FZD3: variants seen among roughly 807,000 people sequenced by gnomAD.
FZD3 encodes frizzled-3.
A neutral mutation model predicts 60.7 loss-of-function variants in FZD3; 30 were observed. The ratio of observed to expected loss-of-function variants is 0.49; its 90% CI spans 0.37 to 0.67. FZD3 has a LOEUF of 0.67. Ranked by LOEUF, FZD3 falls within the 30% of genes least tolerant of loss-of-function variation. The pLI, the probability that FZD3 is intolerant of heterozygous loss-of-function variation, is 0.00. For synonymous variants in FZD3, 246 were observed against 275.2 expected (o/e 0.89, Z 1.05); for missense variants, 605 against 838.7 (o/e 0.72, Z 3.44).
At chr8:28,538,480 C>T (rs1296552437) in intron 5 of FZD3, among the ~76,000 whole-genome samples, 2 of 152,086 alleles carry the variant, frequency 1.3e-5, no homozygotes, top group Admixed American at 6.6e-5. Flanking sequence ...ACTTGAGTCT[C>T]ATATATTTAT....
Position 28,502,874 on chromosome 8 carries a change from G to A in FZD3, c.-140G>A, listed in dbSNP as rs1438791225. 1.4e-5 allele frequency: 7 copies of A among 510,862 alleles called. No individual in the cohort carries two copies. Among genetic ancestry groups the A allele is most frequent in the Non-Finnish European group, 6.9e-6 (2 of 291,600 alleles). 31.6% of individuals were successfully genotyped at this position (510,862 alleles called of 1,614,324 possible). A position where few individuals can be genotyped will look rare whatever the true frequency, so the allele number is the denominator to read the frequency against. ...CAAGCTAACAAACCTCTGACGGTGC[G>A]AAGAGTATTTAACTGTTTGAAGAAT... On this transcript the variant is annotated 5_prime_UTR_variant, in exon 3 of 8. Coordinates refer to ENST00000240093, the MANE Select transcript of FZD3 (RefSeq NM_017412.4).
rs1313514933 is a variant in FZD3 at position 28,512,855 on chromosome 8, G to A, written c.190-7783G>A. Among the ~76,000 whole-genome samples, 5 of 152,092 alleles carry A rather than the reference G, an allele frequency of 3.3e-5. No homozygotes were observed. In the East Asian group the frequency reaches 9.6e-4, roughly 29 times the overall value. Reference sequence around the variant, plus strand: ...CTGTGGTTTTTATTTTAAGAGAATAGTATAATGTACACCCATATAACAATA... The same window carrying A: ...CTGTGGTTTTTATTTTAAGAGAATAATATAATGTACACCCATATAACAATA... On this transcript the variant is annotated intron_variant, in intron 3 of 7. Coordinates refer to ENST00000240093, the MANE Select transcript of FZD3 (RefSeq NM_017412.4).
At chr8:28,551,153 AT>A (rs1476039171) in intron 5 of FZD3, among the ~76,000 whole-genome samples, 5 of 152,204 alleles carry the variant, frequency 3.3e-5, no homozygotes, top group African/African-American at 9.7e-5. Flanking sequence ...TTTCAGGAGT[AT>A]ATTTTTTCCA....
At chr8:28,516,529 A>G (rs1369292738) in intron 3 of FZD3, among the ~76,000 whole-genome samples, 1 of 152,082 alleles carries the variant, frequency 6.6e-6, no homozygotes, top group African/African-American at 2.4e-5. Flanking sequence ...CAAACCATGA[A>G]CACAGGATGT....
intron 4 of FZD3, among the ~76,000 whole-genome samples, chr8:28,525,657 G>A (rs1399016194): frequency 6.6e-6 from 1 of 152,134 alleles, no homozygotes; most frequent in Admixed American, 6.6e-5. Context: ...TAAGGAATTT[G>A]GATTTGACTC....
At position 28,566,652 on chromosome 8, in the gene FZD3, G is replaced by T. The variant is rs190279647; in HGVS notation, c.*3641G>T. On this transcript the variant is annotated 3_prime_UTR_variant, in exon 8 of 8. Coordinates refer to ENST00000240093, the MANE Select transcript of FZD3 (RefSeq NM_017412.4). ...CTTAATTTTTTTTATATAAATTAGT[G>T]AATCATTTGCTGGAGCTTAGAAAAT... The T allele has an allele frequency of 3.9e-5, 6 of 152,150 alleles. No homozygotes were observed. Among genetic ancestry groups the T allele is most frequent in the Admixed American group, 2.6e-4 (4 of 15,292 alleles). 9.4% of individuals were successfully genotyped at this position (152,150 alleles called of 1,614,324 possible). A position where few individuals can be genotyped will look rare whatever the true frequency, so the allele number is the denominator to read the frequency against.
intron 7 of FZD3, among the ~76,000 whole-genome samples, chr8:28,559,026 G>T (rs1441371354): frequency 6.6e-6 from 1 of 152,168 alleles, no homozygotes; most frequent in Non-Finnish European, 1.5e-5. Flanking sequence ...ATGTAGAACT[G>T]CAGGAAAGAG....
rs1805753532 is a variant in FZD3 at position 28,568,940 on chromosome 8, A to T, written c.*5929A>T. The T allele has an allele frequency of 6.6e-6, 1 of 152,142 alleles. No homozygotes were observed. The highest frequency in any genetic ancestry group is 1.5e-5 in the Non-Finnish European group (1 of 67,984). The allele number at this position is 152,142 out of a possible 1,614,324, so 9.4% of individuals were successfully genotyped here. The stretch of plus-strand genomic sequence containing the variant: ...CTGTCACCAGTTTTTCCCGATAAAG[A>T]TTAAAAATGTTTTTTACCTTGAAAT... On this transcript the variant is annotated 3_prime_UTR_variant, in exon 8 of 8. Coordinates refer to ENST00000240093, the MANE Select transcript of FZD3 (RefSeq NM_017412.4).
chr8:28,498,743 T>C (rs1284444110), intron 1 of FZD3, among the ~76,000 whole-genome samples: 2 of 152,204 alleles, frequency 1.3e-5, no homozygotes, highest in African/African-American at 4.8e-5. Context: ...TTTTGTATTT[T>C]TAGTAGAGAT....
In FZD3 at chr8:28,527,150, C is replaced by G; in HGVS notation, c.390C>G (p.Phe130Leu). The G allele has an allele frequency of 6.3e-7, 1 of 1,597,586 alleles. No individual in the cohort carries two copies. Among genetic ancestry groups the G allele is most frequent in the Non-Finnish European group, 8.5e-7 (1 of 1,174,126 alleles). Residue 130 changes from phenylalanine to leucine, a missense_variant, in exon 5 of 8, where the codon TTC becomes TTG. By Grantham distance (22) the Phe-to-Leu change is conservative (BLOSUM62 0). Transcript: ENST00000240093. The surrounding 1 kb of genome is among the most constrained non-coding windows in gnomAD (Gnocchi z 5.0). ...PWPEDMECSR[F>L]PDCDEPYPRL... The stretch of plus-strand genomic sequence containing the variant: ...CTCATCTTGTTTTGTTTTTTAGGTT[C>G]CCAGATTGTGATGAGCCATATCCTC...
At chr8:28,526,722 G>A (rs1415993054) in intron 4 of FZD3, among the ~76,000 whole-genome samples, 1 of 152,138 alleles carries the variant, frequency 6.6e-6, no homozygotes, top group Admixed American at 6.5e-5. Flanking sequence ...ATAAAGTTAT[G>A]TATGTGTTTG....
At chr8:28,536,050 GAA>G (rs1284767595) in intron 5 of FZD3, among the ~76,000 whole-genome samples, 3 of 152,200 alleles carry the variant, frequency 2.0e-5, no homozygotes, top group Non-Finnish European at 2.9e-5. Context: ...GGGTGGCAAT[GAA>G]GATTAAATGA....
At chr8:28,532,898 T>C (rs992173557) in intron 5 of FZD3, among the ~76,000 whole-genome samples, 1 of 152,194 alleles carries the variant, frequency 6.6e-6, no homozygotes, top group Non-Finnish European at 1.5e-5. Context: ...TTGGAAAGGA[T>C]TTGCACATCC....
At position 28,527,771 on chromosome 8, in the gene FZD3, C is replaced by T; in HGVS notation, c.1011C>T (p.Gly337=). The T allele has an allele frequency of 6.2e-7, 1 of 1,614,178 alleles. No individual in the cohort carries two copies. The change falls in exon 5 of 8, where the codon GGC becomes GGT. Residue 337 remains glycine (G), a synonymous_variant. Transcript: ENST00000240093. This position sits in a 1 kb window ranked among gnomAD's most constrained non-coding sequence, Gnocchi z 5.0. ...TGCTGTTTCACGCCAGTGCATGGGG[C>T]ATCCCCGGAACTCTAACCATCATCC... ...KALLFHASAW[G]IPGTLTIILL...
intron 5 of FZD3, among the ~76,000 whole-genome samples, chr8:28,547,777 C>CT (rs1175932449): frequency 2.0e-5 from 3 of 151,614 alleles, no homozygotes; most frequent in Admixed American, 6.6e-5. Flanking sequence ...TTTATATCAG[C>CT]TTTTTTATTG....
chr8:28,534,284 TTAAG>T (rs1804954466), intron 5 of FZD3, among the ~76,000 whole-genome samples: 1 of 152,202 alleles, frequency 6.6e-6, no homozygotes. Flanking sequence ...TTCTGTGACA[TTAAG>T]TAAATTCACA....
chr8:28,539,144 G>A (rs1205974556), intron 5 of FZD3, among the ~76,000 whole-genome samples: 1 of 152,158 alleles, frequency 6.6e-6, no homozygotes, highest in Non-Finnish European at 1.5e-5. Context: ...CACACAGCAG[G>A]AAGTGAGTGG....
chr8:28,529,765 A>G (rs1804814304), intron 5 of FZD3, among the ~76,000 whole-genome samples: 1 of 152,174 alleles, frequency 6.6e-6, no homozygotes, highest in Admixed American at 6.5e-5. Context: ...TGAATAATTG[A>G]AATTCCATTC....
In FZD3 at chr8:28,563,437, T is replaced by A. The variant is rs891194623; in HGVS notation, c.*426T>A. 1 of 173,810 alleles carries A rather than the reference T, an allele frequency of 5.8e-6. No homozygotes were observed. The highest frequency in any genetic ancestry group is 1.2e-5 in the Non-Finnish European group (1 of 81,004). 10.8% of individuals were successfully genotyped at this position (173,810 alleles called of 1,614,324 possible). On this transcript the variant is annotated 3_prime_UTR_variant, in exon 8 of 8. Transcript: ENST00000240093. ...AAGAAATTTTCTATGCAAGGTTTACTTCTCAGATGAACAGTAGGACTTTGT... is the reference window on the plus strand; with the variant it reads ...AAGAAATTTTCTATGCAAGGTTTACATCTCAGATGAACAGTAGGACTTTGT...
Sources: gnomAD v4.1 joint callset for allele counts (sites outside exome capture counted in the v4.1 genomes callset) on GRCh38, gnomAD v4.1.1 for gene constraint, Gnocchi (gnomAD v3.1) non-coding constraint, MANE v1.5 for transcripts, NCBI Gene and HGNC (gene_info 2026-07-23, HGNC 2026-07-21) for gene names.